CNTLN: variants seen among roughly 807,000 people sequenced by gnomAD.
The protein encoded by CNTLN is centlein.
Under a neutral mutation model 180.0 loss-of-function variants are expected in CNTLN, and 212 were observed. That is an observed-to-expected ratio of 1.18 (90% CI 1.05 to 1.32). CNTLN has a LOEUF of 1.32. Ranked by LOEUF, CNTLN falls within the 40% of genes most tolerant of loss-of-function variation. CNTLN has a pLI of 0.00. For missense variants in CNTLN, 2,095 were observed against 1,610.9 expected (o/e 1.30, Z -5.14); for synonymous variants, 722 against 563.1 (o/e 1.28, Z -3.99).
chr9:17,270,206 T>G (rs1417284693), intron 5 of CNTLN, among the ~76,000 whole-genome samples: 1 of 152,162 alleles, frequency 6.6e-6, no homozygotes, highest in Non-Finnish European at 1.5e-5. Flanking sequence ...TGTTCTTGAT[T>G]TTTTAATGAA....
At chr9:17,205,805 T>C (rs1314093082) in intron 2 of CNTLN, among the ~76,000 whole-genome samples, 1 of 152,194 alleles carries the variant, frequency 6.6e-6, no homozygotes, top group Non-Finnish European at 1.5e-5. Context: ...TATCACTGTT[T>C]TCCATGTTGA....
intron 25 of CNTLN, among the ~76,000 whole-genome samples, chr9:17,492,598 A>G (rs1332220829): frequency 6.6e-6 from 1 of 150,974 alleles, no homozygotes; most frequent in Non-Finnish European, 1.5e-5. Flanking sequence ...AATAAGTGTT[A>G]GGAGGCAGAG....
intron 8 of CNTLN, among the ~76,000 whole-genome samples, chr9:17,322,811 AC>A (rs1820010146): frequency 1.3e-5 from 2 of 152,210 alleles, no homozygotes; most frequent in Admixed American, 6.5e-5. Context: ...TTCTAAAAAA[AC>A]AAATAGTTTA....
intron 2 of CNTLN, among the ~76,000 whole-genome samples, chr9:17,214,440 G>T (rs1823577038): frequency 6.6e-6 from 1 of 152,172 alleles, no homozygotes; most frequent in African/African-American, 2.4e-5. Context: ...ATTCTGATGG[G>T]CTTCCCTTTG....
At chr9:17,485,819 G>C (rs1832860808) in intron 24 of CNTLN, among the ~76,000 whole-genome samples, 2 of 151,856 alleles carry the variant, frequency 1.3e-5, no homozygotes, top group Admixed American at 6.6e-5. Context: ...GCACTCTCTG[G>C]GCTAACAAAT....
At chr9:17,507,110 C>T (rs979656139), downstream of CNTLN, among the ~76,000 whole-genome samples, 2 of 152,098 alleles carry the variant, frequency 1.3e-5, no homozygotes, top group African/African-American at 4.8e-5. Context: ...CAAACAGTAC[C>T]TGATACATAG....
At chr9:17,511,690 A>G in the CNTLN span, among the ~76,000 whole-genome samples, 1 of 151,730 alleles carries the variant, frequency 6.6e-6, no homozygotes, top group African/African-American at 2.4e-5. Flanking sequence ...GCACACCCAC[A>G]CACACACACC....
At chr9:17,239,471 C>T (rs150651703) in intron 5 of CNTLN, among the ~76,000 whole-genome samples, 1,842 of 152,022 alleles carry the variant, frequency 0.012, 15 homozygotes, top group Middle Eastern at 0.044. Flanking sequence ...GTTTTAGTTT[C>T]GATAATATTT....
rs75383824 is a variant in CNTLN, at chr9:17,460,181, A to G, written c.3306+2466A>G. 6.7e-4 allele frequency among the ~76,000 whole-genome samples: 102 copies of G among 151,530 alleles called. 1 individual carries two copies. In the East Asian group the frequency reaches 0.016, roughly 23 times the overall value. On this transcript the variant is annotated intron_variant, in intron 19 of 25. Transcript: ENST00000380647. ...GTTGAGAAAACTGAGACACAGAAAG[A>G]ATAAGTTACTTGTCCGAGATCACAC...
Position 17,149,584 on chromosome 9 carries a change from C to T in CNTLN, c.449+6208C>T, listed in dbSNP as rs1203977563. Among the ~76,000 whole-genome samples, 4 of 137,840 alleles carry T rather than the reference C, an allele frequency of 2.9e-5. No individual in the cohort carries two copies. In the Admixed American group the frequency reaches 3.2e-4, roughly 11 times the overall value. The allele number at this position is 137,840 out of a possible 152,430, so 90.4% of individuals were successfully genotyped here. On this transcript the variant is annotated intron_variant, in intron 2 of 25. Transcript: ENST00000380647. ...CCAGGCTGGAGTGCAGTGGCTCGAT[C>T]TCAGCTCACTGCAAGCTCTGCCTCC...
At chr9:17,470,299 T>C (rs1437080175) in intron 23 of CNTLN, among the ~76,000 whole-genome samples, 3 of 151,934 alleles carry the variant, frequency 2.0e-5, no homozygotes, top group Non-Finnish European at 4.4e-5. Flanking sequence ...CATTCCTTAA[T>C]GAGCGTAGTT....
intron 7 of CNTLN, among the ~76,000 whole-genome samples, chr9:17,304,822 G>A (rs550760894): frequency 1.3e-5 from 2 of 151,910 alleles, no homozygotes; most frequent in African/African-American, 2.4e-5. Flanking sequence ...TAAGTAATCC[G>A]GAGATGGTTT....
intron 2 of CNTLN, among the ~76,000 whole-genome samples, chr9:17,215,365 C>T (rs547740538): frequency 1.3e-4 from 20 of 152,292 alleles, no homozygotes; most frequent in Admixed American, 2.6e-4. Context: ...TGCAGAACAG[C>T]GAATTTTGCT....
intron 2 of CNTLN, among the ~76,000 whole-genome samples, chr9:17,151,699 C>T (rs1037468331): frequency 1.3e-5 from 2 of 152,150 alleles, no homozygotes; most frequent in Non-Finnish European, 2.9e-5. Flanking sequence ...AGGAGTCCCT[C>T]TTTTTCTGTT....
At chr9:17,317,503 C>G (rs10963028) in intron 8 of CNTLN, among the ~76,000 whole-genome samples, 114,901 of 152,036 alleles carry the variant, frequency 0.76, 45,178 homozygotes, top group Non-Finnish European at 0.86. Flanking sequence ...TGTTAGGGAA[C>G]AAAACAAGGC....
At chr9:17,233,262 C>T (rs1824924388) in intron 3 of CNTLN, among the ~76,000 whole-genome samples, 1 of 151,802 alleles carries the variant, frequency 6.6e-6, no homozygotes, top group African/African-American at 2.4e-5. Context: ...ATTTTTACTA[C>T]ATATAATTAA....
rs183264991 is a variant in CNTLN at position 17,363,127 on chromosome 9, G to A, written c.1887-3490G>A. On this transcript the variant is annotated intron_variant, in intron 12 of 25. Transcript: ENST00000380647. ...ATATGTGCCACATGTTCTTTATCCA[G>A]TCTATCATTGATGGGCATTTGGGTT... Among the ~76,000 whole-genome samples, 91 of 152,280 alleles carry A rather than the reference G, an allele frequency of 6.0e-4. 1 individual carries two copies. Among genetic ancestry groups the A allele is most frequent in the African/African-American group, 2.1e-3 (86 of 41,548 alleles).
chr9:17,198,489 T>C (rs1587107473), intron 2 of CNTLN, among the ~76,000 whole-genome samples: 1 of 150,614 alleles, frequency 6.6e-6, no homozygotes. Context: ...AATTCCTAGG[T>C]ATTTACTTTT....
chr9:17,138,091 C>T (rs1159087143), intron 1 of CNTLN, among the ~76,000 whole-genome samples: 1 of 152,114 alleles, frequency 6.6e-6, no homozygotes, highest in Non-Finnish European at 1.5e-5. Flanking sequence ...GGTAATTTTG[C>T]ATCCATGGCA....
Sources: allele counts gnomAD v4.1 joint callset (sites outside exome capture counted in the v4.1 genomes callset), GRCh38; gene constraint gnomAD v4.1.1; transcripts MANE v1.5; gene names NCBI Gene and HGNC (gene_info 2026-07-23, HGNC 2026-07-21).